Variants in C5orf47 observed in about 807,000 individuals in gnomAD.
The protein encoded by C5orf47 is uncharacterized protein C5orf47.
In C5orf47, 20 loss-of-function variants were observed where a neutral mutation model predicts 20.6. The observed-to-expected ratio is 0.97, with a 90% CI of 0.68 to 1.41. C5orf47 has a LOEUF of 1.41. Among genes scored for constraint, C5orf47 ranks in the 40% most tolerant of loss-of-function variants. C5orf47 has a pLI of 0.00. For missense variants in C5orf47, 262 were observed against 238.4 expected, an observed-to-expected ratio of 1.10 and a Z score of -0.65; for synonymous variants, 106 against 97.3, an observed-to-expected ratio of 1.09 and a Z score of -0.53.
chr5:173,992,132 G>A (rs1759008345), intron 1 of C5orf47, among the ~76,000 whole-genome samples: 1 of 151,816 alleles, frequency 6.6e-6, no homozygotes, highest in African/African-American at 2.4e-5. Flanking sequence ...ATTTTCTTGC[G>A]TTTTAATGGT....
At chr5:174,009,474 A>G (rs1172919321), downstream of C5orf47, among the ~76,000 whole-genome samples, 1 of 146,090 alleles carries the variant, frequency 6.8e-6, no homozygotes, top group Non-Finnish European at 1.6e-5. Context: ...ATTTGGTGTT[A>G]TAAGTTTTTC....
At chr5:174,008,099 A>G (rs946517537), downstream of C5orf47, among the ~76,000 whole-genome samples, 1 of 152,230 alleles carries the variant, frequency 6.6e-6, no homozygotes, top group Non-Finnish European at 1.5e-5. Flanking sequence ...AGTCCAACGT[A>G]GAAAGCTTGA....
At chr5:173,990,858 A>G (rs1758983123) in intron 1 of C5orf47, among the ~76,000 whole-genome samples, 1 of 152,218 alleles carries the variant, frequency 6.6e-6, no homozygotes, top group East Asian at 1.9e-4. Flanking sequence ...GAACATTTCC[A>G]TCACTTGTAC....
At chr5:174,003,430 A>G (rs1759233101) in intron 4 of C5orf47, among the ~76,000 whole-genome samples, 1 of 152,124 alleles carries the variant, frequency 6.6e-6, no homozygotes, top group African/African-American at 2.4e-5. Flanking sequence ...AATAAGAAAT[A>G]AGGAAGTCAG....
chr5:174,009,177 C>T (rs1313378590), downstream of C5orf47, among the ~76,000 whole-genome samples: 1 of 152,076 alleles, frequency 6.6e-6, no homozygotes, highest in Non-Finnish European at 1.5e-5. Context: ...CACCACTGTA[C>T]TCCAGCCTGG....
intron 1 of C5orf47, 56 bp downstream of exon 1, chr5:173,989,644 G>A (rs1418183775): frequency 5.3e-6 from 7 of 1,309,614 alleles, no homozygotes; most frequent in South Asian, 1.9e-5. Context: ...GGGGCGGAGC[G>A]GGCTCAGCTG....
At chr5:174,001,174 T>C in intron 3 of C5orf47, 22 bp from the exon 4 acceptor site, 2 of 1,507,082 alleles carry the variant, frequency 1.3e-6, no homozygotes, top group South Asian at 1.2e-5. Context: ...TAAATTTTCC[T>C]TATTTTTTAT....
rs1053309263 is a variant in C5orf47 at position 173,989,506 on chromosome 5, T to C, written c.243T>C (p.Pro81=). ...LGSQLRVPTT[P]GVEAAASASS... ...CCCAGCTCAGGGTCCCCACGACCCC[T>C]GGTGTGGAGGCTGCGGCCTCTGCCT... The change falls in exon 1 of 5, where the codon CCT becomes CCC. Residue 81 remains proline (P), a synonymous_variant. Coordinates refer to ENST00000340147, the MANE Select transcript of C5orf47 (RefSeq NM_001144954.2). 6.5e-7 allele frequency: 1 copy of C among 1,542,198 alleles called. No individual in the cohort carries two copies. The highest frequency in any genetic ancestry group is 1.4e-5 in the African/African-American group (1 of 72,618).
intron 4 of C5orf47, 120 bp downstream of exon 4, chr5:174,001,351 T>C: frequency 3.2e-6 from 2 of 628,766 alleles, no homozygotes; most frequent in South Asian, 4.4e-5. Flanking sequence ...CTATTTCCTT[T>C]CTTAAATACA....
chr5:173,989,633 C>T, intron 1 of C5orf47, 45 bp downstream of exon 1: 3 of 1,330,936 alleles, frequency 2.3e-6, no homozygotes, highest in East Asian at 3.1e-5. Context: ...CGGGGCGGGA[C>T]GGGGCGGAGC....
chr5:173,994,958 C>T (rs1254431450), intron 1 of C5orf47, among the ~76,000 whole-genome samples: 2 of 152,004 alleles, frequency 1.3e-5, no homozygotes, highest in African/African-American at 2.4e-5. Context: ...GGACCACAGG[C>T]GTGTGCCACC....
chr5:173,994,687 G>A (rs1273788947), intron 1 of C5orf47, among the ~76,000 whole-genome samples: 3 of 152,190 alleles, frequency 2.0e-5, no homozygotes, highest in African/African-American at 4.8e-5. Context: ...TAGTGACCAC[G>A]CTGCTGTGCT....
chr5:174,002,636 T>C (rs1168324923), intron 4 of C5orf47, among the ~76,000 whole-genome samples: 1 of 152,178 alleles, frequency 6.6e-6, no homozygotes, highest in Admixed American at 6.5e-5. Context: ...GTATATAACC[T>C]AAGAGCAAGA....
chr5:174,007,400 G>A (rs1445929530), downstream of C5orf47, among the ~76,000 whole-genome samples: 1 of 152,174 alleles, frequency 6.6e-6, no homozygotes, highest in Non-Finnish European at 1.5e-5. Flanking sequence ...TGCTTTGCTA[G>A]ACAGTTGCCA....
chr5:174,004,543 A>C lies in C5orf47; in HGVS notation c.*289A>C, dbSNP rs1483560655. On this transcript the variant is annotated 3_prime_UTR_variant, in exon 5 of 5. Transcript: ENST00000340147. ...TACTTTTAAATTAACCTCATACATA[A>C]AATTAAATTAGCATATCAATGCAAT... The C allele has an allele frequency of 6.6e-6, 1 of 152,296 alleles. No homozygotes were observed. The highest frequency in any genetic ancestry group is 2.4e-5 in the African/African-American group (1 of 41,454). 9.4% of individuals were successfully genotyped at this position (152,296 alleles called of 1,614,324 possible). A position where few individuals can be genotyped will look rare whatever the true frequency, so the allele number is the denominator to read the frequency against.
In C5orf47 at chr5:173,989,323, C is replaced by A. The variant is rs1222002698; in HGVS notation, c.60C>A (p.Arg20=). Residue 20 remains arginine, a synonymous_variant, in exon 1 of 5, where the codon CGC becomes CGA. Coordinates refer to ENST00000340147, the MANE Select transcript of C5orf47 (RefSeq NM_001144954.2). ...QDSARFVYVT[R]FGSHQCSGVL... ...CGGCGCGCTTCGTCTATGTGACGCG[C>A]TTCGGCTCGCATCAGTGCAGTGGCG... The A allele has an allele frequency of 1.1e-5, 16 of 1,425,002 alleles. No individual in the cohort carries two copies. Among genetic ancestry groups the A allele is most frequent in the Non-Finnish European group, 1.5e-5 (16 of 1,083,522 alleles). The allele number at this position is 1,425,002 out of a possible 1,614,324, so 88.3% of individuals were successfully genotyped here.
intron 1 of C5orf47, among the ~76,000 whole-genome samples, 178 bp from the exon 2 acceptor site, chr5:173,997,975 T>C (rs1759128248): frequency 1.3e-5 from 2 of 152,182 alleles, no homozygotes; most frequent in African/African-American, 4.8e-5. Context: ...TCTAGTTTTC[T>C]TGGTTGTTTT....
At chr5:173,997,709 G>GGTGT (rs112339082) in intron 1 of C5orf47, among the ~76,000 whole-genome samples, 252 of 150,276 alleles carry the variant, frequency 1.7e-3, no homozygotes, top group African/African-American at 5.4e-3. Flanking sequence ...TGCCTGGGAG[G>GGTGT]GTGTGTGTGT....
At chr5:173,992,425 GT>G (rs1759015603) in intron 1 of C5orf47, among the ~76,000 whole-genome samples, 2 of 151,708 alleles carry the variant, frequency 1.3e-5, no homozygotes, top group Admixed American at 6.6e-5. Context: ...AAAAATCAAG[GT>G]TTTGATTTAT....
Sources: gnomAD v4.1 joint callset for allele counts (sites outside exome capture counted in the v4.1 genomes callset) on GRCh38, gnomAD v4.1.1 for gene constraint, MANE v1.5 for transcripts, NCBI Gene and HGNC (gene_info 2026-07-23, HGNC 2026-07-21) for gene names.